TIMMDC1: variants seen among roughly 807,000 people sequenced by gnomAD.
TIMMDC1 encodes translocase of inner mitochondrial membrane domain containing 1.
TIMMDC1 carries 25 observed loss-of-function variants against 32.6 expected under a neutral mutation model. The ratio of observed to expected loss-of-function variants is 0.77; its 90% CI spans 0.56 to 1.07. The LOEUF is 1.07. Ranked by LOEUF, TIMMDC1 falls within the 50% of genes least tolerant of loss-of-function variation. The probability of loss-of-function intolerance (pLI) is 0.00; values close to 1 mark genes in which losing one functional copy is unlikely to be tolerated. For synonymous variants in TIMMDC1, 130 were observed against 127.6 expected, an observed-to-expected ratio of 1.02 and a Z score of -0.13; for missense variants, 329 against 349.2, an observed-to-expected ratio of 0.94 and a Z score of 0.46.
intron 3 of TIMMDC1, 115 bp from the exon 4 acceptor site, chr3:119,503,839 A>G: frequency 1.1e-6 from 1 of 932,950 alleles, no homozygotes; most frequent in Non-Finnish European, 1.6e-6. Flanking sequence ...GGCTAGGAAC[A>G]GGGATTGATA....
rs568677974 is a variant in TIMMDC1, at chr3:119,517,169, C to CT, written c.597-36_597-35insT. On this transcript the variant is annotated intron_variant, in intron 5 of 6. Coordinates refer to ENST00000494664, the MANE Select transcript of TIMMDC1 (RefSeq NM_016589.4). The stretch of plus-strand genomic sequence containing the variant: ...TCACATGTTGCAAGGTCTAATGACT[C>CT]GTTTTTCCTAAGCTTTCCCTCTCCT... The CT allele has an allele frequency of 2.6e-4, 367 of 1,400,550 alleles. No individual in the cohort carries two copies. The African/African-American group carries it at 4.9e-3, about 19-fold the overall frequency. 86.8% of individuals were successfully genotyped at this position (1,400,550 alleles called of 1,614,324 possible).
chr3:119,500,446 T>G (rs2107725884), intron 1 of TIMMDC1: 1 of 382,564 alleles, frequency 2.6e-6, no homozygotes, highest in East Asian at 4.4e-5. Context: ...TCCCAAAAGC[T>G]CCCCTTGTGC....
intron 6 of TIMMDC1, among the ~76,000 whole-genome samples, chr3:119,522,472 G>A (rs181578034): frequency 2.0e-4 from 30 of 152,172 alleles, no homozygotes; most frequent in Middle Eastern, 3.4e-3. Context: ...TAACTAGATC[G>A]GAGGCATAAA....
At chr3:119,499,270 A>G (rs1036452896) in intron 1 of TIMMDC1, among the ~76,000 whole-genome samples, 32 of 148,926 alleles carry the variant, frequency 2.1e-4, no homozygotes, top group African/African-American at 6.9e-4. Context: ...ATTTTTTTTT[A>G]ATGTATTTTT....
chr3:119,523,968 ATACT>A lies in TIMMDC1; in HGVS notation c.*215_*218del, dbSNP rs2082048201. On this transcript the variant is annotated 3_prime_UTR_variant, in exon 7 of 7. Coordinates refer to ENST00000494664, the MANE Select transcript of TIMMDC1 (RefSeq NM_016589.4). ...TTTACTTATCCTTAAATTTAAATAC[ATACT>A]TATGTTTGTATTAATCTATCAATAT... is the stretch of plus-strand genomic sequence containing the variant. 1 of 415,754 alleles carries A rather than the reference ATACT, an allele frequency of 2.4e-6. No individual in the cohort carries two copies. The allele number at this position is 415,754 out of a possible 1,614,324, so 25.8% of individuals were successfully genotyped here. A position where few individuals can be genotyped will look rare whatever the true frequency, so the allele number is the denominator to read the frequency against.
intron 5 of TIMMDC1, among the ~76,000 whole-genome samples, chr3:119,514,922 G>A (rs1261054408): frequency 6.6e-6 from 1 of 152,124 alleles, no homozygotes; most frequent in East Asian, 1.9e-4. Context: ...AGGCACAGTG[G>A]CTCACACCTG....
intron 6 of TIMMDC1, among the ~76,000 whole-genome samples, chr3:119,520,774 G>C (rs1384415659): frequency 6.6e-6 from 1 of 151,924 alleles, no homozygotes; most frequent in Non-Finnish European, 1.5e-5. Flanking sequence ...ACAGACAAAG[G>C]CTCATTAAAC....
At chr3:119,518,562 A>T (rs1246367119) in intron 6 of TIMMDC1, among the ~76,000 whole-genome samples, 6 of 152,042 alleles carry the variant, frequency 3.9e-5, no homozygotes, top group Admixed American at 3.3e-4. Context: ...TCAAAAAAAA[A>T]AAAAAATTAA....
chr3:119,508,909 A>G (rs370802113), intron 4 of TIMMDC1, among the ~76,000 whole-genome samples: 7 of 152,334 alleles, frequency 4.6e-5, no homozygotes, highest in Non-Finnish European at 8.8e-5. Flanking sequence ...AAATGAATTA[A>G]GAAAACCATT....
intron 1 of TIMMDC1, among the ~76,000 whole-genome samples, chr3:119,499,390 G>A (rs1365542882): frequency 3.4e-5 from 5 of 148,174 alleles, no homozygotes; most frequent in African/African-American, 1.0e-4. Context: ...GTGAGCCACC[G>A]CGCCAGCCCA....
rs779197587 is a variant in TIMMDC1 at position 119,498,935 on chromosome 3, T to C, written c.194+8T>C. 1.9e-6 allele frequency: 3 copies of C among 1,613,584 alleles called. No individual in the cohort carries two copies. Among genetic ancestry groups the C allele is most frequent in the South Asian group, 2.2e-5 (2 of 91,074 alleles). ...GGAGCTGTTTGGCAAAGAGTAAAAG[T>C]GCCTAGGGTGTGAAGTGGGGTAGGG... is the stretch of plus-strand genomic sequence containing the variant. On this transcript the variant is annotated splice_region_variant and intron_variant, in intron 1 of 6. Transcript: ENST00000494664.
At chr3:119,501,085 C>CA (rs2081871215) in intron 2 of TIMMDC1, among the ~76,000 whole-genome samples, 1 of 152,224 alleles carries the variant, frequency 6.6e-6, no homozygotes, top group Non-Finnish European at 1.5e-5. Context: ...GGCATCACCA[C>CA]TGTGGCTTTT....
chr3:119,517,995 T>G (rs1236288186), intron 6 of TIMMDC1, among the ~76,000 whole-genome samples: 5 of 151,320 alleles, frequency 3.3e-5, no homozygotes, highest in African/African-American at 1.2e-4. Flanking sequence ...TTTTTTTTTT[T>G]GCATACATAT....
chr3:119,499,282 A>G (rs1280478049), intron 1 of TIMMDC1, among the ~76,000 whole-genome samples: 2 of 150,588 alleles, frequency 1.3e-5, no homozygotes, highest in Non-Finnish European at 3.0e-5. Flanking sequence ...TGTATTTTTT[A>G]TAGACAGGGT....
rs954808549 is a variant in TIMMDC1, at chr3:119,498,550, G to T, written c.-184G>T. On this transcript the variant is annotated 5_prime_UTR_variant, in exon 1 of 7. Transcript: ENST00000494664. The stretch of plus-strand genomic sequence containing the variant: ...CCGGTCGGGCGGGACTTCCTGTGTC[G>T]TATTTCCAAGGACTCCAAAGCGAGG... 4 of 590,582 alleles carry T rather than the reference G, an allele frequency of 6.8e-6. No homozygotes were observed. The highest frequency in any genetic ancestry group is 1.2e-5 in the Non-Finnish European group (4 of 340,698). 36.6% of individuals were successfully genotyped at this position (590,582 alleles called of 1,614,324 possible).
intron 4 of TIMMDC1, 23 bp from the exon 5 acceptor site, chr3:119,513,618 T>C (rs2081967722): frequency 6.4e-7 from 1 of 1,566,556 alleles, no homozygotes; most frequent in Non-Finnish European, 8.8e-7. Context: ...TGATTTAATA[T>C]TGCCTTTCTT....
chr3:119,523,858 T>C lies in TIMMDC1; in HGVS notation c.*102T>C, dbSNP rs531540868. On this transcript the variant is annotated 3_prime_UTR_variant, in exon 7 of 7. Transcript: ENST00000494664. ...TCTTTGGTCAGCCTGCTGACAAATTTAAGTGCTGGTACCTGTGGTGGCAGT... is the reference window on the plus strand; with the variant it reads ...TCTTTGGTCAGCCTGCTGACAAATTCAAGTGCTGGTACCTGTGGTGGCAGT... 10 of 1,226,034 alleles carry C rather than the reference T, an allele frequency of 8.2e-6. No homozygotes were observed. In the Admixed American group the frequency reaches 1.8e-4, roughly 23 times the overall value. The allele number at this position is 1,226,034 out of a possible 1,614,324, so 75.9% of individuals were successfully genotyped here. A position where few individuals can be genotyped will look rare whatever the true frequency, so the allele number is the denominator to read the frequency against.
rs1303310323 is a variant in TIMMDC1 at position 119,500,801 on chromosome 3, A to G, written c.301A>G (p.Lys101Glu). The G allele has an allele frequency of 4.3e-6, 7 of 1,614,040 alleles. No homozygotes were observed. The highest frequency in any genetic ancestry group is 5.9e-6 in the Non-Finnish European group (7 of 1,180,018). Reference sequence around the variant, plus strand: ...GGGAATACCAGCTTTTATTCATGCTAAACAACAATACATTGAGCAGAGCCA... The same window carrying G: ...GGGAATACCAGCTTTTATTCATGCTGAACAACAATACATTGAGCAGAGCCA... ...YGGIPAFIHA[K>E]QQYIEQSQAE... Residue 101 changes from lysine to glutamate, a missense_variant, in exon 2 of 7, where the codon AAA (lysine) becomes GAA (glutamate). Physicochemically the swap from Lys to Glu is moderately conservative, Grantham distance 56. Coordinates refer to ENST00000494664, the MANE Select transcript of TIMMDC1 (RefSeq NM_016589.4).
At chr3:119,512,513 C>T (rs1013385974) in intron 4 of TIMMDC1, among the ~76,000 whole-genome samples, 3 of 151,916 alleles carry the variant, frequency 2.0e-5, no homozygotes, top group Admixed American at 6.6e-5. Flanking sequence ...TCCTGACTTT[C>T]GTGATCCACC....
Sources: gnomAD v4.1 joint callset for allele counts (sites outside exome capture counted in the v4.1 genomes callset) on GRCh38, gnomAD v4.1.1 for gene constraint, MANE v1.5 for transcripts, NCBI Gene and HGNC (gene_info 2026-07-23, HGNC 2026-07-21) for gene names.